Variants in AQP1 observed in about 807,000 individuals in gnomAD.
AQP1 encodes the protein aquaporin 1 (Colton blood group).
In AQP1, 11 loss-of-function variants were observed where a neutral mutation model predicts 19.7. That is an observed-to-expected ratio of 0.56 (90% CI 0.35 to 0.92). The LOEUF is 0.92. AQP1 is among the 40% of genes least tolerant of loss of function. AQP1 has a pLI of 0.01. For synonymous variants in AQP1, 159 were observed against 166.7 expected (o/e 0.95, Z 0.36); for missense variants, 320 against 369.7 (o/e 0.87, Z 1.10).
rs542172945 is a variant in AQP1 at position 30,911,963 on chromosome 7, C to T, written c.54C>T (p.Phe18=). 1.4e-5 allele frequency: 23 copies of T among 1,613,520 alleles called. 1 individual carries two copies. The South Asian group carries it at 2.1e-4, about 15-fold the overall frequency. The change falls in exon 1 of 4, where the codon TTC becomes TTT. Residue 18 remains phenylalanine (F), a synonymous_variant. Coordinates refer to ENST00000311813, the MANE Select transcript of AQP1 (RefSeq NM_198098.4). ...TCTGGAGGGCAGTGGTGGCCGAGTTCCTGGCCACGACCCTCTTTGTCTTCA... is the reference window on the plus strand; with the variant it reads ...TCTGGAGGGCAGTGGTGGCCGAGTTTCTGGCCACGACCCTCTTTGTCTTCA... ...KLFWRAVVAE[F]LATTLFVFIS...
At chr7:30,920,245 C>G (rs975962902) in intron 1 of AQP1, among the ~76,000 whole-genome samples, 1 of 152,126 alleles carries the variant, frequency 6.6e-6, no homozygotes, top group African/African-American at 2.4e-5. Flanking sequence ...TGCCAGCTAG[C>G]AATTAGGCCA....
chr7:30,912,140 G>A lies in AQP1; in HGVS notation c.231G>A (p.Pro77=), dbSNP rs112240167. The A allele has an allele frequency of 4.2e-5, 68 of 1,613,096 alleles. 1 individual carries two copies. Among genetic ancestry groups the A allele is most frequent in the African/African-American group, 1.2e-4 (9 of 75,056 alleles). ...ACATCAGCGGCGCCCACCTCAACCC[G>A]GCTGTCACACTGGGGCTGCTGCTCA... ...VGHISGAHLN[P]AVTLGLLLSC... Residue 77 remains proline (P), a synonymous_variant, in exon 1 of 4, where the codon CCG becomes CCA. Transcript: ENST00000311813. This position sits in a 1 kb window ranked among gnomAD's most constrained non-coding sequence, Gnocchi z 4.3.
intron 1 of AQP1, among the ~76,000 whole-genome samples, chr7:30,918,563 C>T (rs1166727338): frequency 6.6e-6 from 1 of 152,186 alleles, no homozygotes; most frequent in Non-Finnish European, 1.5e-5. Flanking sequence ...GCAGGGCAGG[C>T]CTCGATGTCT....
chr7:30,914,041 T>C (rs1232653089), intron 1 of AQP1, among the ~76,000 whole-genome samples: 2 of 152,146 alleles, frequency 1.3e-5, no homozygotes, highest in Non-Finnish European at 2.9e-5. Flanking sequence ...CCTCTGCACC[T>C]GCTGGCGAAG....
chr7:30,912,278 G>A lies in AQP1; in HGVS notation c.369G>A (p.Ser123=), dbSNP rs995925781. The A allele has an allele frequency of 4.4e-6, 7 of 1,602,478 alleles. No individual in the cohort carries two copies. The highest frequency in any genetic ancestry group is 5.9e-6 in the Non-Finnish European group (7 of 1,179,446). Residue 123 remains serine (S), a synonymous_variant, in exon 1 of 4, where the codon TCG becomes TCA. Transcript: ENST00000311813. The surrounding 1 kb of genome is among the most constrained non-coding windows in gnomAD (Gnocchi z 4.3). ...SGITSSLTGN[S]LGRNDLADGV... is the part of the protein sequence containing the mutation. ...TCACCTCCTCCCTGACTGGGAACTCGCTTGGCCGCAATGACGTGAGTGGGG... is the reference window on the plus strand; with the variant it reads ...TCACCTCCTCCCTGACTGGGAACTCACTTGGCCGCAATGACGTGAGTGGGG...
rs777591464 is a variant in AQP1, at chr7:30,923,811, T to C, written c.*182T>C. On this transcript the variant is annotated 3_prime_UTR_variant, in exon 4 of 4. Transcript: ENST00000311813. The surrounding 1 kb of genome is among the most constrained non-coding windows in gnomAD (Gnocchi z 4.8). Reference sequence around the variant, plus strand: ...GTTTCTATCTCTTTCTTTCTCTTTCTGTTTCCTGGCCTCAGAGCTTCCTGG... The same window carrying C: ...GTTTCTATCTCTTTCTTTCTCTTTCCGTTTCCTGGCCTCAGAGCTTCCTGG... 1 of 1,520,772 alleles carries C rather than the reference T, an allele frequency of 6.6e-7. No individual in the cohort carries two copies. The highest frequency in any genetic ancestry group is 8.8e-7 in the Non-Finnish European group (1 of 1,133,250). 94.2% of individuals were successfully genotyped at this position (1,520,772 alleles called of 1,614,324 possible).
intron 1 of AQP1, among the ~76,000 whole-genome samples, chr7:30,917,677 G>A (rs1001286114): frequency 6.6e-6 from 1 of 152,154 alleles, no homozygotes; most frequent in Non-Finnish European, 1.5e-5. Context: ...TTCCCAGGGA[G>A]GCCGAGGCAC....
intron 1 of AQP1, among the ~76,000 whole-genome samples, chr7:30,919,556 CT>C (rs138132377): frequency 0.019 from 2,628 of 138,638 alleles, 12 homozygotes; most frequent in Non-Finnish European, 0.028. Flanking sequence ...CTGATTCTTA[CT>C]TTTTTTTTTT....
At position 30,923,041 on chromosome 7, in the gene AQP1, C is replaced by T. The variant is rs1246775149; in HGVS notation, c.630+397C>T. Among the ~76,000 whole-genome samples the T allele has an allele frequency of 3.3e-5, 5 of 152,220 alleles. No homozygotes were observed. Among genetic ancestry groups the T allele is most frequent in the Non-Finnish European group, 5.9e-5 (4 of 68,044 alleles). On this transcript the variant is annotated intron_variant, in intron 3 of 3. Transcript: ENST00000311813. The surrounding 1 kb of genome is among the most constrained non-coding windows in gnomAD (Gnocchi z 4.8). ...GGGTGGCCGAGAAGAGGAAAGGGCT[C>T]ACTCCCCATCTGTAAACTGAGCTCA...
rs1240970193 is a variant in AQP1, at chr7:30,923,912, G to A, written c.*283G>A. ...AAAGAAAGGGACCCACCTGCTAGTC[G>A]CCCCTCAGAGCATGATGGGAGGTGT... On this transcript the variant is annotated 3_prime_UTR_variant, in exon 4 of 4. Coordinates refer to ENST00000311813, the MANE Select transcript of AQP1 (RefSeq NM_198098.4). This position sits in a 1 kb window ranked among gnomAD's most constrained non-coding sequence, Gnocchi z 4.8. 12 of 1,452,932 alleles carry A rather than the reference G, an allele frequency of 8.3e-6. No individual in the cohort carries two copies. Among genetic ancestry groups the A allele is most frequent in the Admixed American group, 5.5e-5 (3 of 54,696 alleles). The allele number at this position is 1,452,932 out of a possible 1,614,324, so 90.0% of individuals were successfully genotyped here. A position where few individuals can be genotyped will look rare whatever the true frequency, so the allele number is the denominator to read the frequency against.
In AQP1 at chr7:30,923,664, G is replaced by C. The variant is rs1562581175; in HGVS notation, c.*35G>C. 7 of 1,573,158 alleles carry C rather than the reference G, an allele frequency of 4.4e-6. No homozygotes were observed. The highest frequency in any genetic ancestry group is 5.2e-6 in the Non-Finnish European group (6 of 1,161,602). On this transcript the variant is annotated 3_prime_UTR_variant, in exon 4 of 4. Coordinates refer to ENST00000311813, the MANE Select transcript of AQP1 (RefSeq NM_198098.4). This position sits in a 1 kb window ranked among gnomAD's most constrained non-coding sequence, Gnocchi z 4.8. The stretch of plus-strand genomic sequence containing the variant: ...GGCCCGGGCATCCACGTAGGGGGCA[G>C]GGGCAGGGGCGGGCGGAGGGAGGGG...
intron 1 of AQP1, among the ~76,000 whole-genome samples, chr7:30,917,887 G>A (rs1791398300): frequency 6.6e-6 from 1 of 152,172 alleles, no homozygotes; most frequent in Admixed American, 6.5e-5. Context: ...CACTCTGGTG[G>A]TAGGGTGATC....
At position 30,923,543 on chromosome 7, in the gene AQP1, G is replaced by A. The variant is rs771575765; in HGVS notation, c.724G>A (p.Val242Met). 9 of 1,614,206 alleles carry A rather than the reference G, an allele frequency of 5.6e-6. No individual in the cohort carries two copies. The highest frequency in any genetic ancestry group is 3.3e-5 in the South Asian group (3 of 91,086). ...APRSSDLTDR[V>M]KVWTSGQVEE... ...ACGCAGCAGTGACCTCACAGACCGC[G>A]TGAAGGTGTGGACCAGCGGCCAGGT... The change falls in exon 4 of 4, where the codon GTG becomes ATG. Residue 242 changes from valine (V) to methionine (M), a missense_variant. Coordinates refer to ENST00000311813, the MANE Select transcript of AQP1 (RefSeq NM_198098.4). This position sits in a 1 kb window ranked among gnomAD's most constrained non-coding sequence, Gnocchi z 4.8.
intron 1 of AQP1, among the ~76,000 whole-genome samples, chr7:30,915,640 C>T (rs1474563667): frequency 6.6e-6 from 1 of 152,152 alleles, no homozygotes; most frequent in African/African-American, 2.4e-5. Context: ...TTTCAGCCCG[C>T]TGGGCTCAGG....
At chr7:30,918,478 A>G (rs762548830) in intron 1 of AQP1, among the ~76,000 whole-genome samples, 1 of 152,170 alleles carries the variant, frequency 6.6e-6, no homozygotes, top group Admixed American at 6.5e-5. Context: ...GTGAACACCC[A>G]TGGAGGAGTG....
chr7:30,922,484 T>C, intron 2 of AQP1, 80 bp from the exon 3 acceptor site: 1 of 1,449,634 alleles, frequency 6.9e-7, no homozygotes, highest in African/African-American at 1.4e-5. Context: ...TCTTTCTCCC[T>C]CCAACCTCTC....
intron 2 of AQP1, 96 bp from the exon 3 acceptor site, chr7:30,922,468 T>C: frequency 2.2e-6 from 3 of 1,366,464 alleles, no homozygotes; most frequent in Non-Finnish European, 3.1e-6. Context: ...CCCACCCTGA[T>C]TGTTCTCTTT....
intron 1 of AQP1, chr7:30,921,636 T>A (rs1791502261): frequency 6.4e-7 from 1 of 1,550,664 alleles, no homozygotes; most frequent in Non-Finnish European, 8.7e-7. Flanking sequence ...TATGAAGCCG[T>A]GTCCCCTGCT....
rs568246697 is a variant in AQP1 at position 30,924,093 on chromosome 7, C to T, written c.*464C>T. 34 of 1,203,288 alleles carry T rather than the reference C, an allele frequency of 2.8e-5. No individual in the cohort carries two copies. Among genetic ancestry groups the T allele is most frequent in the Non-Finnish European group, 3.4e-5 (32 of 947,386 alleles). 74.5% of individuals were successfully genotyped at this position (1,203,288 alleles called of 1,614,324 possible). A position where few individuals can be genotyped will look rare whatever the true frequency, so the allele number is the denominator to read the frequency against. ...ATGGTGCTTGGAGGGGGAAGAGATC[C>T]CAGGAGGTGCAGTGGAGGGGGCAAG... is the stretch of plus-strand genomic sequence containing the variant. On this transcript the variant is annotated 3_prime_UTR_variant, in exon 4 of 4. Transcript: ENST00000311813.
Sources: gnomAD v4.1 joint callset for allele counts (sites outside exome capture counted in the v4.1 genomes callset) on GRCh38, gnomAD v4.1.1 for gene constraint, Gnocchi (gnomAD v3.1) non-coding constraint, MANE v1.5 for transcripts, NCBI Gene and HGNC (gene_info 2026-07-23, HGNC 2026-07-21) for gene names.